Variants in STK39 observed in about 807,000 individuals in gnomAD.
STK39 encodes serine/threonine kinase 39, also known as STE20/SPS1-related proline-alanine-rich protein kinase.
In STK39, 20 loss-of-function variants were observed where a neutral mutation model predicts 77.8. The ratio of observed to expected loss-of-function variants is 0.26; its 90% CI spans 0.18 to 0.37. The LOEUF (loss-of-function observed/expected upper bound fraction) is 0.37. Ranked by LOEUF, STK39 falls within the 10% of genes least tolerant of loss-of-function variation. The probability of loss-of-function intolerance (pLI) is 1.00; values close to 1 mark genes in which losing one functional copy is unlikely to be tolerated. For missense variants in STK39, 479 were observed against 656.5 expected (o/e 0.73, Z 2.95); for synonymous variants, 246 against 234.1 (o/e 1.05, Z -0.47).
At chr2:167,980,768 TA>T (rs1173425686) in intron 16 of STK39, among the ~76,000 whole-genome samples, 5 of 143,476 alleles carry the variant, frequency 3.5e-5, no homozygotes, top group Non-Finnish European at 6.1e-5. Context: ...TTTTTTTTTT[TA>T]AATGTGTAGT....
At chr2:168,081,726 C>T (rs532232090) in intron 10 of STK39, among the ~76,000 whole-genome samples, 15 of 152,246 alleles carry the variant, frequency 9.9e-5, no homozygotes, top group African/African-American at 3.6e-4. Flanking sequence ...CCACAGTTCC[C>T]ACATGTCACA....
At chr2:168,172,387 T>C (rs994154554) in intron 2 of STK39, among the ~76,000 whole-genome samples, 4 of 152,218 alleles carry the variant, frequency 2.6e-5, no homozygotes, top group Non-Finnish European at 2.9e-5. Flanking sequence ...CATTTGGTCA[T>C]GAATTTTTAA....
intron 16 of STK39, among the ~76,000 whole-genome samples, chr2:167,981,201 G>C (rs780100021): frequency 3.8e-4 from 58 of 152,180 alleles, no homozygotes; most frequent in African/African-American, 1.4e-3. Context: ...AAGGTATGGA[G>C]TATGCACCAG....
At chr2:168,051,229 G>A (rs916716809) in intron 14 of STK39, among the ~76,000 whole-genome samples, 1 of 152,160 alleles carries the variant, frequency 6.6e-6, no homozygotes, top group African/African-American at 2.4e-5. Flanking sequence ...GCTAAGAGCA[G>A]CAGGTTACCT....
At chr2:168,120,291 AAT>A (rs1687371001) in intron 10 of STK39, among the ~76,000 whole-genome samples, 1 of 152,246 alleles carries the variant, frequency 6.6e-6, no homozygotes, top group Non-Finnish European at 1.5e-5. Context: ...AAAGGTGCAC[AAT>A]AAATATCGTT....
chr2:168,037,731 T>C (rs2105347672), intron 14 of STK39, among the ~76,000 whole-genome samples: 1 of 152,268 alleles, frequency 6.6e-6, no homozygotes, highest in South Asian at 2.1e-4. Flanking sequence ...ATAAAAAATA[T>C]ATGCAAAGTA....
rs191118125 is a variant in STK39, at chr2:167,997,378, G to A, written c.1498+15256C>T. Among the ~76,000 whole-genome samples the A allele has an allele frequency of 5.4e-4, 82 of 152,218 alleles. 1 individual carries two copies. The highest frequency in any genetic ancestry group is 1.9e-4 in the East Asian group (1 of 5,176). On this transcript the variant is annotated intron_variant, in intron 16 of 17. Coordinates refer to ENST00000355999, the MANE Select transcript of STK39 (RefSeq NM_013233.3). ...CTTGATGTTTGATAGGAGGCCAGGTGAATTGATTTCAAAAGGGAAAGAGGG... is the reference window on the plus strand; with the variant it reads ...CTTGATGTTTGATAGGAGGCCAGGTAAATTGATTTCAAAAGGGAAAGAGGG...
At chr2:168,192,954 T>C (rs1255694800) in intron 1 of STK39, among the ~76,000 whole-genome samples, 2 of 152,092 alleles carry the variant, frequency 1.3e-5, no homozygotes, top group East Asian at 1.9e-4. Flanking sequence ...ATCCCACTCC[T>C]GAGGGCCAGC....
In STK39 at chr2:168,163,237, A is replaced by C. The variant is rs924515218; in HGVS notation, c.572+502T>G. The stretch of plus-strand genomic sequence containing the variant: ...AATTAACATTTTATGTCACAAAAGA[A>C]GATGAGTACCTCTTCCTTCCCTCTC... On this transcript the variant is annotated intron_variant, in intron 4 of 17. Transcript: ENST00000355999. 3.3e-5 allele frequency among the ~76,000 whole-genome samples: 5 copies of C among 152,304 alleles called. No individual in the cohort carries two copies. In the Middle Eastern group the frequency reaches 0.014, roughly 414 times the overall value.
chr2:168,150,786 T>A (rs960387620), intron 5 of STK39, among the ~76,000 whole-genome samples: 1 of 152,146 alleles, frequency 6.6e-6, no homozygotes, highest in South Asian at 2.1e-4. Context: ...AATAAATATG[T>A]TGGCACTTTA....
chr2:168,214,596 T>C (rs72876955), intron 1 of STK39, among the ~76,000 whole-genome samples: 1 of 152,186 alleles, frequency 6.6e-6, no homozygotes, highest in Non-Finnish European at 1.5e-5. Flanking sequence ...TGCCACTGAA[T>C]TGTTAATCTT....
chr2:168,002,994 A>AT (rs71397626), intron 16 of STK39, among the ~76,000 whole-genome samples: 2 of 151,974 alleles, frequency 1.3e-5, no homozygotes, highest in Admixed American at 6.6e-5. Flanking sequence ...ATTTATTTTT[A>AT]TTTTTTTGAG....
intron 17 of STK39, among the ~76,000 whole-genome samples, chr2:167,956,830 A>T (rs1682768129): frequency 6.6e-6 from 1 of 151,490 alleles, no homozygotes; most frequent in African/African-American, 2.4e-5. Flanking sequence ...AAGGGAGAAA[A>T]AAGTATGATG....
intron 2 of STK39, among the ~76,000 whole-genome samples, chr2:168,176,838 A>C (rs540555749): frequency 6.6e-6 from 1 of 152,292 alleles, no homozygotes; most frequent in East Asian, 1.9e-4. Context: ...CCGTAATGCT[A>C]AAGTGACTTG....
intron 5 of STK39, among the ~76,000 whole-genome samples, chr2:168,157,197 A>T (rs1238474621): frequency 6.6e-6 from 1 of 152,126 alleles, no homozygotes; most frequent in Non-Finnish European, 1.5e-5. Flanking sequence ...GCTGATAAGG[A>T]TATTATCTCC....
chr2:168,077,030 C>G (rs1686098098), intron 10 of STK39, among the ~76,000 whole-genome samples: 1 of 151,980 alleles, frequency 6.6e-6, no homozygotes, highest in Non-Finnish European at 1.5e-5. Flanking sequence ...ATGGTGGTAG[C>G]AACATAGAGA....
At chr2:168,031,090 T>G (rs1288887675) in intron 14 of STK39, among the ~76,000 whole-genome samples, 1 of 152,124 alleles carries the variant, frequency 6.6e-6, no homozygotes, top group Non-Finnish European at 1.5e-5. Flanking sequence ...TGACTAACAC[T>G]CACAGGACTG....
chr2:168,168,645 C>CA, intron 2 of STK39, among the ~76,000 whole-genome samples: 1 of 152,120 alleles, frequency 6.6e-6, no homozygotes, highest in East Asian at 1.9e-4. Context: ...ACAACTTGGC[C>CA]AAAATTCTGT....
intron 2 of STK39, among the ~76,000 whole-genome samples, chr2:168,176,304 T>A (rs1360461637): frequency 6.6e-6 from 1 of 151,236 alleles, no homozygotes; most frequent in Non-Finnish European, 1.5e-5. Flanking sequence ...TCTCCCCCCC[T>A]TAAACCTCAA....
Sources: gnomAD v4.1 joint callset for allele counts (sites outside exome capture counted in the v4.1 genomes callset) on GRCh38, gnomAD v4.1.1 for gene constraint, MANE v1.5 for transcripts, NCBI Gene and HGNC (gene_info 2026-07-23, HGNC 2026-07-21) for gene names.